Variants in PELI2 observed in about 807,000 individuals in gnomAD.
PELI2 encodes E3 ubiquitin-protein ligase pellino homolog 2.
PELI2 carries 23 observed loss-of-function variants against 42.3 expected under a neutral mutation model. The ratio of observed to expected loss-of-function variants is 0.54; its 90% CI spans 0.39 to 0.77. The LOEUF (loss-of-function observed/expected upper bound fraction) is 0.77. Ranked by LOEUF, PELI2 falls within the 30% of genes least tolerant of loss-of-function variation. PELI2 has a pLI of 0.00. For synonymous variants in PELI2, 245 were observed against 212.2 expected (o/e 1.15, Z -1.34); for missense variants, 463 against 553.2 (o/e 0.84, Z 1.64).
At chr14:56,285,620 T>C (rs1410129008) in intron 3 of PELI2, among the ~76,000 whole-genome samples, 1 of 152,152 alleles carries the variant, frequency 6.6e-6, no homozygotes, top group Admixed American at 6.5e-5. Flanking sequence ...GACCGGCATA[T>C]GCTGGCTCAG....
At chr14:56,169,315 A>G (rs903281223) in intron 1 of PELI2, among the ~76,000 whole-genome samples, 3 of 152,194 alleles carry the variant, frequency 2.0e-5, no homozygotes, top group Non-Finnish European at 4.4e-5. Context: ...CCAAGTTTAC[A>G]TGGAGACACA....
chr14:56,159,335 A>G (rs1884674561), intron 1 of PELI2, among the ~76,000 whole-genome samples: 1 of 152,198 alleles, frequency 6.6e-6, no homozygotes, highest in African/African-American at 2.4e-5. Flanking sequence ...GGCTAGCTGG[A>G]CATGTTCTTC....
chr14:56,230,688 T>A (rs1394139280), intron 2 of PELI2, among the ~76,000 whole-genome samples: 4 of 152,082 alleles, frequency 2.6e-5, no homozygotes, highest in African/African-American at 9.7e-5. Flanking sequence ...AGAAACTCCA[T>A]CAACTAACAA....
At chr14:56,244,330 A>G (rs773983298) in intron 2 of PELI2, among the ~76,000 whole-genome samples, 11 of 152,340 alleles carry the variant, frequency 7.2e-5, no homozygotes, top group Non-Finnish European at 1.2e-4. Flanking sequence ...GGGGTATGCA[A>G]TGTGGAAAGC....
intron 2 of PELI2, among the ~76,000 whole-genome samples, chr14:56,231,276 AC>A (rs1288076044): frequency 6.6e-6 from 1 of 152,014 alleles, no homozygotes; most frequent in Non-Finnish European, 1.5e-5. Context: ...CATCTACAGA[AC>A]TCTCCACCCC....
intron 1 of PELI2, among the ~76,000 whole-genome samples, chr14:56,121,048 A>C (rs944592515): frequency 6.6e-5 from 10 of 152,322 alleles, no homozygotes; most frequent in South Asian, 2.1e-4. Flanking sequence ...AGTGTACTTC[A>C]TCTTAAAACA....
chr14:56,243,068 G>A (rs961336403), intron 2 of PELI2, among the ~76,000 whole-genome samples: 6 of 151,842 alleles, frequency 4.0e-5, no homozygotes, highest in African/African-American at 9.7e-5. Flanking sequence ...TTAAAGTATC[G>A]AATTTGATTT....
chr14:56,187,454 AG>A (rs1407309883), intron 2 of PELI2, among the ~76,000 whole-genome samples: 1 of 152,164 alleles, frequency 6.6e-6, no homozygotes, highest in African/African-American at 2.4e-5. Flanking sequence ...ACTTTTAAGT[AG>A]TTTGGTTGTA....
At chr14:56,119,964 T>A in intron 1 of PELI2, 3 of 363,088 alleles carry the variant, frequency 8.3e-6, no homozygotes, top group Non-Finnish European at 1.1e-5. Context: ...AGTGCTGACT[T>A]AAAAATAATT....
At chr14:56,251,750 G>A (rs1888352408) in intron 2 of PELI2, among the ~76,000 whole-genome samples, 1 of 152,136 alleles carries the variant, frequency 6.6e-6, no homozygotes, top group Non-Finnish European at 1.5e-5. Flanking sequence ...TAAATGTTGG[G>A]GGACATTACA....
intron 1 of PELI2, among the ~76,000 whole-genome samples, chr14:56,133,200 C>G (rs1454215884): frequency 6.6e-6 from 1 of 151,946 alleles, no homozygotes; most frequent in Non-Finnish European, 1.5e-5. Context: ...AAGTGTTAGC[C>G]AACTGACTTT....
chr14:56,121,646 T>A (rs1883062874), intron 1 of PELI2, among the ~76,000 whole-genome samples: 1 of 152,234 alleles, frequency 6.6e-6, no homozygotes, highest in Admixed American at 6.5e-5. Flanking sequence ...TTTGGTATAG[T>A]GGGAAGAACA....
chr14:56,128,587 A>T (rs1276796662), intron 1 of PELI2, among the ~76,000 whole-genome samples: 1 of 152,090 alleles, frequency 6.6e-6, no homozygotes, highest in Non-Finnish European at 1.5e-5. Flanking sequence ...CAGAGCCTTG[A>T]GAGGTGACCT....
intron 1 of PELI2, among the ~76,000 whole-genome samples, chr14:56,120,490 C>T (rs1883022375): frequency 6.6e-6 from 1 of 152,160 alleles, no homozygotes; most frequent in South Asian, 2.1e-4. Flanking sequence ...TAGTCTCACT[C>T]CACAGGAGCC....
At chr14:56,139,489 G>A (rs529593446) in intron 1 of PELI2, among the ~76,000 whole-genome samples, 9 of 152,030 alleles carry the variant, frequency 5.9e-5, no homozygotes, top group Admixed American at 2.6e-4. Context: ...TCTTTCCCCC[G>A]TTTGTTGCTG....
chr14:56,242,522 G>A (rs115161924), intron 2 of PELI2, among the ~76,000 whole-genome samples: 2,401 of 152,272 alleles, frequency 0.016, 66 homozygotes, highest in African/African-American at 0.055. Context: ...AGGAAAAGAA[G>A]TCATTCTATG....
At chr14:56,236,638 T>G (rs2139783921) in intron 2 of PELI2, among the ~76,000 whole-genome samples, 1 of 152,334 alleles carries the variant, frequency 6.6e-6, no homozygotes, top group African/African-American at 2.4e-5. Context: ...TGGAAGCCTA[T>G]CTGGGGTAAT....
intron 1 of PELI2, among the ~76,000 whole-genome samples, chr14:56,169,476 T>TTAGTTCAATGCCTCACCATTACTG (rs1885091984): frequency 6.6e-6 from 1 of 152,176 alleles, no homozygotes; most frequent in Admixed American, 6.5e-5. Flanking sequence ...AGAACAGCAC[T>TTAGTTCAATGCCTCACCATTACTG]TAGTTCAATG....
intron 2 of PELI2, among the ~76,000 whole-genome samples, chr14:56,212,271 C>T (rs2139730249): frequency 6.6e-6 from 1 of 152,280 alleles, no homozygotes; most frequent in East Asian, 1.9e-4. Context: ...CACATTCTAC[C>T]CTACGTTGCT....
Sources: allele counts gnomAD v4.1 joint callset (sites outside exome capture counted in the v4.1 genomes callset), GRCh38; gene constraint gnomAD v4.1.1; transcripts MANE v1.5; gene names NCBI Gene and HGNC (gene_info 2026-07-23, HGNC 2026-07-21).